SLC20A2: variants seen among roughly 807,000 people sequenced by gnomAD.
SLC20A2 encodes solute carrier family 20 member 2, also known as sodium-dependent phosphate transporter 2.
In SLC20A2, 30 loss-of-function variants were observed where a neutral mutation model predicts 61.0. That is an observed-to-expected ratio of 0.49 (90% CI 0.37 to 0.67). The LOEUF is 0.67. SLC20A2 is among the 30% of genes least tolerant of loss of function. SLC20A2 has a pLI of 0.00. For missense variants in SLC20A2, 626 were observed against 866.4 expected, an observed-to-expected ratio of 0.72 and a Z score of 3.48; for synonymous variants, 351 against 353.3, an observed-to-expected ratio of 0.99 and a Z score of 0.07.
upstream of SLC20A2, chr8:42,502,425 ACTCT>A (rs1420541609): frequency 6.6e-6 from 1 of 152,156 alleles, no homozygotes; most frequent in Non-Finnish European, 1.5e-5. Flanking sequence ...GCCCTCCTTG[ACTCT>A]CTCTTGCAGA....
At chr8:42,452,403 G>C (rs553285280) in intron 5 of SLC20A2, among the ~76,000 whole-genome samples, 1 of 148,434 alleles carries the variant, frequency 6.7e-6, no homozygotes, top group African/African-American at 2.5e-5. Context: ...TGGAGGAGGA[G>C]GAGGAAGAGA....
chr8:42,499,432 T>G (rs1372737602), intron 1 of SLC20A2, among the ~76,000 whole-genome samples: 1 of 152,194 alleles, frequency 6.6e-6, no homozygotes, highest in Non-Finnish European at 1.5e-5. Flanking sequence ...TCACAGCACG[T>G]AAATCATTAA....
intron 8 of SLC20A2, 94 bp downstream of exon 8, chr8:42,436,895 G>C (rs1185221752): frequency 8.6e-7 from 1 of 1,156,766 alleles, no homozygotes; most frequent in African/African-American, 1.5e-5. Flanking sequence ...ACTTCCATCG[G>C]TGCCGTTCAC....
chr8:42,424,313 C>A (rs1287542892), intron 10 of SLC20A2, among the ~76,000 whole-genome samples: 1 of 107,830 alleles, frequency 9.3e-6, no homozygotes, highest in East Asian at 2.8e-4. Context: ...TCAATTAAGG[C>A]TTTTTTTGGG....
intron 1 of SLC20A2, among the ~76,000 whole-genome samples, chr8:42,511,715 T>G (rs1443339771): frequency 6.6e-6 from 1 of 151,990 alleles, no homozygotes; most frequent in East Asian, 1.9e-4. Context: ...GAGGATCTAG[T>G]TGCACTTGGC....
chr8:42,427,936 T>C (rs1217909973), intron 10 of SLC20A2, among the ~76,000 whole-genome samples: 1 of 152,202 alleles, frequency 6.6e-6, no homozygotes, highest in African/African-American at 2.4e-5. Flanking sequence ...TGAATGAACC[T>C]AGGAAAAATC....
chr8:42,434,746 CT>C (rs1274626720), intron 8 of SLC20A2, among the ~76,000 whole-genome samples: 3 of 152,192 alleles, frequency 2.0e-5, no homozygotes, highest in African/African-American at 7.2e-5. Context: ...ACCAGACGCT[CT>C]CCCTGCTCCA....
chr8:42,454,929 A>C (rs1036638145), intron 5 of SLC20A2, among the ~76,000 whole-genome samples: 1 of 151,790 alleles, frequency 6.6e-6, no homozygotes, highest in Non-Finnish European at 1.5e-5. Flanking sequence ...TAGTATATTA[A>C]ATATGTACAA....
At position 42,444,780 on chromosome 8, in the gene SLC20A2, A is replaced by G; in HGVS notation, c.614-18T>C. The stretch of plus-strand genomic sequence containing the variant: ...GCCGAGCACTGGGAAGGAAAATGAG[A>G]AGCAGTGTCATTACTGGAAACTTCT... On this transcript the variant is annotated intron_variant, in intron 5 of 10. Coordinates refer to ENST00000520262, the MANE Select transcript of SLC20A2 (RefSeq NM_001257180.2). 1 of 1,594,198 alleles carries G rather than the reference A, an allele frequency of 6.3e-7. No individual in the cohort carries two copies. The highest frequency in any genetic ancestry group is 2.2e-5 in the East Asian group (1 of 44,756).
At chr8:42,438,071 A>C (rs1294118906) in intron 7 of SLC20A2, among the ~76,000 whole-genome samples, 4,960 of 147,530 alleles carry the variant, frequency 0.034, 367 homozygotes, top group African/African-American at 0.11. Flanking sequence ...ACCAAAAAAA[A>C]AAAAAAAAAA....
intron 1 of SLC20A2, chr8:42,484,940 G>T: frequency 2.5e-6 from 1 of 397,674 alleles, no homozygotes; most frequent in South Asian, 2.0e-5. Context: ...TCCAGGCCAA[G>T]AGGTGAACAG....
chr8:42,526,356 A>T (rs1357644017), intron 1 of SLC20A2, among the ~76,000 whole-genome samples: 5 of 138,016 alleles, frequency 3.6e-5, no homozygotes, highest in African/African-American at 8.1e-5. Context: ...AAGGTCATTT[A>T]AAAAAAAAAA....
intron 1 of SLC20A2, among the ~76,000 whole-genome samples, chr8:42,509,467 T>C (rs1810909794): frequency 6.6e-6 from 1 of 152,240 alleles, no homozygotes; most frequent in South Asian, 2.1e-4. Context: ...AGGCACAGTG[T>C]CATGCCTATA....
At chr8:42,466,045 A>G (rs956590319) in intron 2 of SLC20A2, 128 bp from the exon 3 acceptor site, 4 of 850,600 alleles carry the variant, frequency 4.7e-6, no homozygotes, top group Non-Finnish European at 7.0e-6. Flanking sequence ...GTTTCTTTAC[A>G]AAGCGCTACA....
chr8:42,443,689 AC>A (rs1210032127), intron 6 of SLC20A2, among the ~76,000 whole-genome samples: 5 of 151,708 alleles, frequency 3.3e-5, no homozygotes, highest in Admixed American at 1.3e-4. Flanking sequence ...CACACTCTAA[AC>A]CCCTTCCCTG....
At chr8:42,468,274 TA>T (rs1281098845) in intron 2 of SLC20A2, among the ~76,000 whole-genome samples, 2 of 152,126 alleles carry the variant, frequency 1.3e-5, no homozygotes, top group Non-Finnish European at 1.5e-5. Context: ...ATTCAGACCA[TA>T]AGATTTGTCC....
intron 1 of SLC20A2, among the ~76,000 whole-genome samples, chr8:42,489,172 C>T (rs372258520): frequency 4.6e-5 from 7 of 152,056 alleles, no homozygotes; most frequent in Admixed American, 3.3e-4. Flanking sequence ...CTCCTGACTT[C>T]GGGTGATCCA....
In SLC20A2 at chr8:42,417,668, T is replaced by C. The variant is rs1169400847; in HGVS notation, c.*135A>G. ...GTGAACAGTGTGGGATGGAGCCTCC[T>C]GGAAGGGAGGCAGAGAGCTGGTCAT... On this transcript the variant is annotated 3_prime_UTR_variant, in exon 11 of 11. Transcript: ENST00000520262. The C allele has an allele frequency of 3.2e-6, 3 of 938,384 alleles. No individual in the cohort carries two copies. Among genetic ancestry groups the C allele is most frequent in the African/African-American group, 3.3e-5 (2 of 61,240 alleles). The allele number at this position is 938,384 out of a possible 1,614,324, so 58.1% of individuals were successfully genotyped here.
chr8:42,436,982 C>A lies in SLC20A2; in HGVS notation c.1523+7G>T. ...CCCTTGTTGAATGAATGAATGAAAG[C>A]ACCCACCTCACGTCATTGCCGCCGT... is the stretch of plus-strand genomic sequence containing the variant. On this transcript the variant is annotated splice_region_variant and intron_variant, in intron 8 of 10. Coordinates refer to ENST00000520262, the MANE Select transcript of SLC20A2 (RefSeq NM_001257180.2). 6.3e-7 allele frequency: 1 copy of A among 1,583,792 alleles called. No homozygotes were observed. The highest frequency in any genetic ancestry group is 8.6e-7 in the Non-Finnish European group (1 of 1,164,132).
Sources: allele counts gnomAD v4.1 joint callset (sites outside exome capture counted in the v4.1 genomes callset), GRCh38; gene constraint gnomAD v4.1.1; transcripts MANE v1.5; gene names NCBI Gene and HGNC (gene_info 2026-07-23, HGNC 2026-07-21).